REEP1: variants seen among roughly 807,000 people sequenced by gnomAD.
REEP1 encodes the protein receptor expression-enhancing protein 1.
REEP1 carries 22 observed loss-of-function variants against 40.3 expected under a neutral mutation model. The ratio of observed to expected loss-of-function variants is 0.55; its 90% CI spans 0.39 to 0.78. REEP1 has a LOEUF of 0.78. Among genes scored for constraint, REEP1 ranks in the 30% least tolerant of loss-of-function variants. The pLI is 0.00. For synonymous variants in REEP1, 116 were observed against 139.2 expected, an observed-to-expected ratio of 0.83 and a Z score of 1.17; for missense variants, 280 against 361.1, an observed-to-expected ratio of 0.78 and a Z score of 1.82.
intron 1 of REEP1, among the ~76,000 whole-genome samples, chr2:86,300,470 A>C (rs894419684): frequency 4.6e-5 from 7 of 152,210 alleles, no homozygotes; most frequent in African/African-American, 1.7e-4. Flanking sequence ...ATATAAACTC[A>C]AGAGTGGGGA....
At chr2:86,311,970 GC>G (rs1369389032) in intron 1 of REEP1, among the ~76,000 whole-genome samples, 1 of 152,050 alleles carries the variant, frequency 6.6e-6, no homozygotes, top group Admixed American at 6.5e-5. Context: ...CTTCTGATTT[GC>G]ACATGTGTGG....
chr2:86,254,444 T>C (rs931070049), intron 4 of REEP1, among the ~76,000 whole-genome samples: 2 of 152,246 alleles, frequency 1.3e-5, no homozygotes, highest in African/African-American at 4.8e-5. Context: ...GTGAATTTTT[T>C]CTTTCTTTTG....
At chr2:86,224,800 A>G (rs1359688720) in intron 7 of REEP1, among the ~76,000 whole-genome samples, 1 of 152,206 alleles carries the variant, frequency 6.6e-6, no homozygotes, top group East Asian at 1.9e-4. Flanking sequence ...AATCAACCAC[A>G]GCTCTATTGA....
intron 4 of REEP1, among the ~76,000 whole-genome samples, chr2:86,252,668 A>C (rs889169249): frequency 6.6e-6 from 1 of 152,216 alleles, no homozygotes; most frequent in African/African-American, 2.4e-5. Context: ...TGCAGTTCTA[A>C]AATTCTGTTA....
intron 1 of REEP1, among the ~76,000 whole-genome samples, chr2:86,309,717 T>C (rs921893151): frequency 3.9e-5 from 6 of 152,212 alleles, no homozygotes; most frequent in Non-Finnish European, 7.3e-5. Flanking sequence ...GAAAGCTCTC[T>C]AGTGTCTCTT....
chr2:86,325,284 C>T (rs1403901209), intron 1 of REEP1, among the ~76,000 whole-genome samples: 1 of 152,132 alleles, frequency 6.6e-6, no homozygotes, highest in Non-Finnish European at 1.5e-5. Flanking sequence ...GACGTTAGAA[C>T]ATCAAAGTGT....
chr2:86,237,286 T>C (rs1240617306), intron 5 of REEP1, among the ~76,000 whole-genome samples: 1 of 152,144 alleles, frequency 6.6e-6, no homozygotes, highest in Non-Finnish European at 1.5e-5. Flanking sequence ...ATCAAGAAAG[T>C]GGCAGCATCA....
At chr2:86,249,348 C>G (rs1027181851) in intron 5 of REEP1, among the ~76,000 whole-genome samples, 2 of 152,130 alleles carry the variant, frequency 1.3e-5, no homozygotes, top group African/African-American at 2.4e-5. Flanking sequence ...CCGGCCTCCC[C>G]CTCCCCGCTG....
chr2:86,335,222 T>G (rs780888912), intron 1 of REEP1, among the ~76,000 whole-genome samples: 5 of 152,264 alleles, frequency 3.3e-5, no homozygotes, highest in Non-Finnish European at 7.3e-5. Context: ...TTATCTTTTC[T>G]AATTTTCCTG....
intron 5 of REEP1, 62 bp downstream of exon 5, chr2:86,251,895 G>A (rs1574035431): frequency 8.8e-7 from 1 of 1,130,136 alleles, no homozygotes; most frequent in East Asian, 2.3e-5. Flanking sequence ...TCGCACAGGT[G>A]ATGAGCAGGG....
chr2:86,240,561 C>A (rs116295791), intron 5 of REEP1, among the ~76,000 whole-genome samples: 1 of 152,256 alleles, frequency 6.6e-6, no homozygotes, highest in South Asian at 2.1e-4. Context: ...ACCCAAGGTG[C>A]ACCTGGGAAA....
At chr2:86,268,837 T>G (rs928674207) in intron 2 of REEP1, among the ~76,000 whole-genome samples, 1 of 152,210 alleles carries the variant, frequency 6.6e-6, no homozygotes, top group African/African-American at 2.4e-5. Flanking sequence ...GTATAGTGAT[T>G]TGATCCTTGA....
At chr2:86,286,770 C>G (rs17738096) in intron 1 of REEP1, among the ~76,000 whole-genome samples, 50,685 of 151,982 alleles carry the variant, frequency 0.33, 9,629 homozygotes, top group Middle Eastern at 0.45. Context: ...TGTTGCTGAC[C>G]GTAGCCAAGT....
intron 8 of REEP1, among the ~76,000 whole-genome samples, 195 bp downstream of exon 8, chr2:86,219,775 G>A (rs1573984766): frequency 6.6e-6 from 1 of 152,140 alleles, no homozygotes; most frequent in East Asian, 1.9e-4. Flanking sequence ...GAAATTAATA[G>A]GATTTCCTCT....
At chr2:86,217,684 T>TTTTTTCTTTC (rs1553456158) in intron 8 of REEP1, among the ~76,000 whole-genome samples, 1 of 127,788 alleles carries the variant, frequency 7.8e-6, no homozygotes, top group African/African-American at 2.7e-5. Flanking sequence ...TTTTTTTTTT[T>TTTTTTCTTTC]CAGATTTTGG....
chr2:86,238,643 A>T (rs1001064820), intron 5 of REEP1, among the ~76,000 whole-genome samples: 2 of 152,178 alleles, frequency 1.3e-5, no homozygotes, highest in Non-Finnish European at 2.9e-5. Flanking sequence ...CCTGCTGAAC[A>T]AGCCTTGAGA....
rs1449400830 is a variant in REEP1 at position 86,278,170 on chromosome 2, C to T, written c.105+4000G>A. ...AAAACTTTTTTCTTTTAACAAAAGA[C>T]ACAAATACAGCTATGAACTCATGAC... On this transcript the variant is annotated intron_variant, in intron 2 of 8. Coordinates refer to ENST00000538924, the MANE Select transcript of REEP1 (RefSeq NM_001371279.1). Among the ~76,000 whole-genome samples the T allele has an allele frequency of 2.0e-5, 3 of 152,170 alleles. No homozygotes were observed. The East Asian group carries it at 5.8e-4, about 29-fold the overall frequency.
intron 2 of REEP1, among the ~76,000 whole-genome samples, chr2:86,281,356 G>A (rs1678078478): frequency 6.6e-6 from 1 of 152,204 alleles, no homozygotes; most frequent in Non-Finnish European, 1.5e-5. Flanking sequence ...TAGGGGCCGG[G>A]CACTGTGGCA....
At chr2:86,327,344 A>C (rs1217714719) in intron 1 of REEP1, among the ~76,000 whole-genome samples, 1 of 151,902 alleles carries the variant, frequency 6.6e-6, no homozygotes, top group Non-Finnish European at 1.5e-5. Flanking sequence ...TATTATTAAT[A>C]TATGTATGTG....
Sources: gnomAD v4.1 joint callset for allele counts (sites outside exome capture counted in the v4.1 genomes callset) on GRCh38, gnomAD v4.1.1 for gene constraint, MANE v1.5 for transcripts, NCBI Gene and HGNC (gene_info 2026-07-23, HGNC 2026-07-21) for gene names.